Variants in LTA4H observed in about 807,000 individuals in gnomAD.
The protein encoded by LTA4H is leukotriene A-4 hydrolase.
LTA4H carries 59 observed loss-of-function variants against 89.8 expected under a neutral mutation model. That is an observed-to-expected ratio of 0.66 (90% confidence interval 0.53 to 0.82). LTA4H has a LOEUF of 0.82. Ranked by LOEUF, LTA4H falls within the 40% of genes least tolerant of loss-of-function variation. LTA4H has a pLI of 0.00. For missense variants in LTA4H, 617 were observed against 727.0 expected (o/e 0.85, Z 1.74); for synonymous variants, 227 against 253.1 (o/e 0.90, Z 0.98).
In LTA4H at chr12:96,009,096, T is replaced by C; in HGVS notation, c.1432A>G (p.Thr478Ala). 1 of 1,597,906 alleles carries C rather than the reference T, an allele frequency of 6.3e-7. No individual in the cohort carries two copies. Among genetic ancestry groups the C allele is most frequent in the Non-Finnish European group, 8.6e-7 (1 of 1,166,702 alleles). The stretch of plus-strand genomic sequence containing the variant: ...AAAAATCACACATTATTACTTACAG[T>C]AATCCATCTTTGACTTAAGGCAATA... ...ACIALSQRWI[T>A]AKEDDLNSFN... is the part of the protein sequence containing the mutation. Residue 478 changes from threonine to alanine, a missense_variant and splice_region_variant, in exon 15 of 19, where the codon ACT becomes GCT. By Grantham distance (58) the Thr-to-Ala change is moderately conservative. Around this residue, in one of 3 missense-constraint regions of LTA4H, gnomAD observed 290 missense variants for 339.1 expected, o/e 0.86. Transcript: ENST00000228740.
chr12:96,027,403 G>A, intron 3 of LTA4H, 41 bp downstream of exon 3: 1 of 1,545,956 alleles, frequency 6.5e-7, no homozygotes, highest in Non-Finnish European at 8.7e-7. Flanking sequence ...CATAGGTGCT[G>A]AAATTTTCTG....
At chr12:96,015,761 AT>A (rs1950365480) in intron 10 of LTA4H, 67 bp from the exon 11 acceptor site, 1 of 1,115,016 alleles carries the variant, frequency 9.0e-7, no homozygotes, top group Admixed American at 1.9e-5. Context: ...CAATCAAGAT[AT>A]TTTCTTTTTG....
At chr12:96,010,093 G>A (rs571994468) in intron 14 of LTA4H, 1 of 152,296 alleles carries the variant, frequency 6.6e-6, no homozygotes, top group East Asian at 1.9e-4. Context: ...GTCCTTGACT[G>A]ATCAGAATAC....
intron 13 of LTA4H, 113 bp from the exon 14 acceptor site, chr12:96,013,371 T>C (rs1253241840): frequency 1.6e-6 from 1 of 629,104 alleles, no homozygotes; most frequent in East Asian, 2.8e-5. Context: ...TATATCAAGA[T>C]AATTTCTAAA....
chr12:96,029,523 G>A (rs1005838086), intron 1 of LTA4H, among the ~76,000 whole-genome samples: 2 of 152,202 alleles, frequency 1.3e-5, no homozygotes, highest in East Asian at 3.9e-4. Flanking sequence ...TATAACTTAA[G>A]TTTCTTTCAC....
chr12:96,011,767 T>G (rs1950304580), intron 14 of LTA4H: 1 of 152,164 alleles, frequency 6.6e-6, no homozygotes, highest in Admixed American at 6.5e-5. Context: ...GCCAATCAGT[T>G]GCCAATAGAT....
chr12:96,036,187 C>T (rs547938563), upstream of LTA4H, among the ~76,000 whole-genome samples: 1 of 152,328 alleles, frequency 6.6e-6, no homozygotes, highest in East Asian at 1.9e-4. Context: ...ATCCCCAGAA[C>T]CTGCATCTCT....
intron 1 of LTA4H, among the ~76,000 whole-genome samples, chr12:96,041,082 C>T (rs1239814162): frequency 6.6e-6 from 1 of 151,970 alleles, no homozygotes; most frequent in African/African-American, 2.4e-5. Context: ...GGCATACAAT[C>T]CAAGGGATTA....
At chr12:96,035,002 GC>G (rs548848841) in intron 1 of LTA4H, among the ~76,000 whole-genome samples, 134 of 152,318 alleles carry the variant, frequency 8.8e-4, no homozygotes, top group Admixed American at 2.3e-3. Flanking sequence ...AATTATGGGG[GC>G]TACTGCAAAG....
intron 1 of LTA4H, among the ~76,000 whole-genome samples, chr12:96,034,888 A>G (rs1950619366): frequency 6.6e-6 from 1 of 152,228 alleles, no homozygotes; most frequent in South Asian, 2.1e-4. Flanking sequence ...TGACTGAGGA[A>G]GGTGCCCAGG....
At chr12:96,017,667 G>A in intron 8 of LTA4H, 87 bp from the exon 9 acceptor site, 2 of 880,870 alleles carry the variant, frequency 2.3e-6, no homozygotes, top group East Asian at 2.5e-5. Flanking sequence ...TTAGCATACT[G>A]GCACTGGTGA....
At position 96,000,980 on chromosome 12, in the gene LTA4H, C is replaced by T. The variant is rs141559746; in HGVS notation, c.*9G>A. On this transcript the variant is annotated 3_prime_UTR_variant, in exon 19 of 19. Transcript: ENST00000228740. Reference sequence around the variant, plus strand: ...AGAGAAATCTCTAAAATCATCAATACGCAGGTCTTTAATCCACTTTTAAGT... The same window carrying T: ...AGAGAAATCTCTAAAATCATCAATATGCAGGTCTTTAATCCACTTTTAAGT... 1.3e-4 allele frequency: 198 copies of T among 1,536,728 alleles called. No homozygotes were observed. Among genetic ancestry groups the T allele is most frequent in the South Asian group, 9.6e-4 (86 of 89,476 alleles).
chr12:96,017,642 T>A, intron 8 of LTA4H, 62 bp from the exon 9 acceptor site: 1 of 1,204,894 alleles, frequency 8.3e-7, no homozygotes, highest in Non-Finnish European at 1.2e-6. Context: ...TCTAAAAGAC[T>A]GCCTACCTAA....
rs1950339850 is a variant in LTA4H at position 96,013,863 on chromosome 12, A to G, written c.1205-10T>C. The G allele has an allele frequency of 8.2e-7, 1 of 1,223,228 alleles. No individual in the cohort carries two copies. The highest frequency in any genetic ancestry group is 2.3e-5 in the East Asian group (1 of 42,608). The allele number at this position is 1,223,228 out of a possible 1,614,324, so 75.8% of individuals were successfully genotyped here. A position where few individuals can be genotyped will look rare whatever the true frequency, so the allele number is the denominator to read the frequency against. ...AATCCTAGGAAAATCTCTAAGAGTAAAAAAGAAAAGAAATCAATTCATAGA... is the reference window on the plus strand; with the variant it reads ...AATCCTAGGAAAATCTCTAAGAGTAGAAAAGAAAAGAAATCAATTCATAGA... On this transcript the variant is annotated splice_polypyrimidine_tract_variant and intron_variant, in intron 12 of 18. Coordinates refer to ENST00000228740, the MANE Select transcript of LTA4H (RefSeq NM_000895.3).
intron 1 of LTA4H, among the ~76,000 whole-genome samples, chr12:96,032,593 T>A (rs2136919408): frequency 6.6e-6 from 1 of 152,340 alleles, no homozygotes; most frequent in South Asian, 2.1e-4. Flanking sequence ...ACTAATTAAC[T>A]AATTAATAAG....
intron 15 of LTA4H, 64 bp downstream of exon 15, chr12:96,009,030 T>C: frequency 8.2e-7 from 1 of 1,215,988 alleles, no homozygotes; most frequent in Non-Finnish European, 1.2e-6. Flanking sequence ...CCCTCCCTGC[T>C]TCATGAGTAA....
intron 14 of LTA4H, chr12:96,011,285 A>C (rs1052747811): frequency 2.0e-5 from 3 of 152,202 alleles, no homozygotes; most frequent in African/African-American, 7.2e-5. Context: ...AAAGACTCCA[A>C]ACTCCAAATT....
chr12:96,030,585 C>A (rs1950561606), intron 1 of LTA4H, among the ~76,000 whole-genome samples: 2 of 152,218 alleles, frequency 1.3e-5, no homozygotes, highest in Admixed American at 6.5e-5. Context: ...CAACCCCACA[C>A]AGCCACTTAA....
intron 10 of LTA4H, among the ~76,000 whole-genome samples, chr12:96,015,996 A>G (rs929399811): frequency 6.6e-6 from 1 of 152,208 alleles, no homozygotes; most frequent in Non-Finnish European, 1.5e-5. Flanking sequence ...TAACGCTGTA[A>G]TAAGTGTTAC....
Sources: gnomAD v4.1 joint callset for allele counts (sites outside exome capture counted in the v4.1 genomes callset) on GRCh38, gnomAD v4.1.1 for gene constraint, gnomAD v4.1.1 regional missense constraint, MANE v1.5 for transcripts, NCBI Gene and HGNC (gene_info 2026-07-23, HGNC 2026-07-21) for gene names.